Variants in ARID1B observed in about 807,000 individuals in gnomAD.
The protein encoded by ARID1B is AT-rich interaction domain 1B.
A neutral mutation model predicts 212.3 loss-of-function variants in ARID1B; 30 were observed. That is an observed-to-expected ratio of 0.14 (90% CI 0.11 to 0.19). ARID1B has a LOEUF of 0.19. Among genes scored for constraint, ARID1B ranks in the 10% least tolerant of loss-of-function variants. The probability of loss-of-function intolerance (pLI) is 1.00; values close to 1 mark genes in which losing one functional copy is unlikely to be tolerated. For missense variants in ARID1B, 2,891 were observed against 3,204.0 expected (o/e 0.90, Z 2.36); for synonymous variants, 1,402 against 1,301.7 (o/e 1.08, Z -1.66).
rs777085838 is a variant in ARID1B at position 157,203,947 on chromosome 6, A to G, written c.5345A>G (p.Asn1782Ser). 3.7e-6 allele frequency: 6 copies of G among 1,614,026 alleles called. No homozygotes were observed. Among genetic ancestry groups the G allele is most frequent in the African/African-American group, 1.3e-5 (1 of 74,912 alleles). The stretch of plus-strand genomic sequence containing the variant: ...AGTACGTGGGCTTTGGACACTATTA[A>G]TATTCTTCTGTATGATGACAGCACT... ...AESTWALDTI[N>S]ILLYDDSTVA... Residue 1782 changes from asparagine to serine, a missense_variant, in exon 19 of 20, where the codon AAT (asparagine) becomes AGT (serine). This residue lies in a region of ARID1B where 332 missense variants were observed against 369.2 expected (regional missense o/e 0.90). Transcript: ENST00000636930. This position sits in a 1 kb window ranked among gnomAD's most constrained non-coding sequence, Gnocchi z 4.4.
chr6:157,181,238 G>T (rs1792508773), intron 12 of ARID1B, 60 bp downstream of exon 12: 1 of 1,574,634 alleles, frequency 6.4e-7, no homozygotes, highest in African/African-American at 1.3e-5. Context: ...TCTTACAGTG[G>T]CTTTCTTTGA....
intron 1 of ARID1B, among the ~76,000 whole-genome samples, chr6:156,790,854 A>G (rs966650590): frequency 6.6e-6 from 1 of 152,226 alleles, no homozygotes; most frequent in Admixed American, 6.5e-5. Flanking sequence ...CGGAGACACA[A>G]GCACTTAGAA....
rs2128318011 is a variant in ARID1B at position 157,181,194 on chromosome 6, G to A, written c.3714+16G>A. Reference sequence around the variant, plus strand: ...TTTGGCCCAGGTAAGAATGAGTGAGGGAGGGGGTGAAAAAGGAAGCATTGT... The same window carrying A: ...TTTGGCCCAGGTAAGAATGAGTGAGAGAGGGGGTGAAAAAGGAAGCATTGT... On this transcript the variant is annotated intron_variant, in intron 12 of 19. Coordinates refer to ENST00000636930, the MANE Select transcript of ARID1B (RefSeq NM_001374828.1). 3 of 1,612,316 alleles carry A rather than the reference G, an allele frequency of 1.9e-6. No homozygotes were observed. The highest frequency in any genetic ancestry group is 1.7e-4 in the Middle Eastern group (1 of 6,032).
chr6:157,065,812 G>A (rs936773604), intron 4 of ARID1B, among the ~76,000 whole-genome samples: 12 of 152,340 alleles, frequency 7.9e-5, no homozygotes, highest in African/African-American at 2.9e-4. Context: ...AAATGACTAT[G>A]CTGTCATTGT....
chr6:156,851,149 T>C (rs1254239548), intron 2 of ARID1B, among the ~76,000 whole-genome samples: 4 of 152,090 alleles, frequency 2.6e-5, no homozygotes, highest in Non-Finnish European at 5.9e-5. Context: ...GAGACTTAAC[T>C]AGGGAAAGAC....
chr6:156,843,801 G>T (rs374143179), intron 2 of ARID1B, among the ~76,000 whole-genome samples: 1 of 152,194 alleles, frequency 6.6e-6, no homozygotes, highest in African/African-American at 2.4e-5. Context: ...GTTGTCATCA[G>T]ATGTTTACTG....
At chr6:156,828,057 G>A (rs1282910396) in intron 1 of ARID1B, among the ~76,000 whole-genome samples, 1 of 140,700 alleles carries the variant, frequency 7.1e-6, no homozygotes, top group Non-Finnish European at 1.5e-5. Flanking sequence ...CACCATGCCC[G>A]GCCTCTTTTT....
intron 6 of ARID1B, among the ~76,000 whole-genome samples, chr6:157,112,503 C>T (rs1786997726): frequency 6.6e-6 from 1 of 152,220 alleles, no homozygotes; most frequent in South Asian, 2.1e-4. Context: ...TGTAACATCA[C>T]TCTCACTGGT....
chr6:156,964,353 C>T (rs1023622622), intron 4 of ARID1B, among the ~76,000 whole-genome samples: 1 of 152,210 alleles, frequency 6.6e-6, no homozygotes, highest in African/African-American at 2.4e-5. Flanking sequence ...AGAGACCACT[C>T]TGTTTATCAG....
chr6:156,849,403 A>G lies in ARID1B; in HGVS notation c.1986+19982A>G, dbSNP rs531606490. 7.0e-4 allele frequency among the ~76,000 whole-genome samples: 107 copies of G among 152,350 alleles called. 1 individual carries two copies. Among genetic ancestry groups the G allele is most frequent in the African/African-American group, 2.4e-3 (101 of 41,586 alleles). ...GGTAAGGAATTTGGTAAAGTGAGGG[A>G]TAATGTTACAGAATTGTCATTACAA... On this transcript the variant is annotated intron_variant, in intron 2 of 19. Coordinates refer to ENST00000636930, the MANE Select transcript of ARID1B (RefSeq NM_001374828.1).
At chr6:157,039,418 C>T (rs1583195337) in intron 4 of ARID1B, among the ~76,000 whole-genome samples, 1 of 145,618 alleles carries the variant, frequency 6.9e-6, no homozygotes, top group Middle Eastern at 3.4e-3. Flanking sequence ...GCAAGCTCCG[C>T]TTCCCGGGTT....
intron 3 of ARID1B, among the ~76,000 whole-genome samples, chr6:156,910,965 G>T (rs528933425): frequency 6.6e-6 from 1 of 152,256 alleles, no homozygotes; most frequent in African/African-American, 2.4e-5. Context: ...AAAATGAAAA[G>T]AAAGAAGTAT....
intron 2 of ARID1B, among the ~76,000 whole-genome samples, chr6:156,846,496 G>A (rs1181776605): frequency 1.3e-5 from 2 of 152,092 alleles, no homozygotes; most frequent in African/African-American, 2.4e-5. Context: ...GTGGTCCTTC[G>A]CTTTCTGCAC....
At chr6:156,951,474 C>T (rs1163000959) in intron 4 of ARID1B, among the ~76,000 whole-genome samples, 3 of 151,672 alleles carry the variant, frequency 2.0e-5, no homozygotes, top group Non-Finnish European at 2.9e-5. Flanking sequence ...AATGGAGTCT[C>T]GCTCTGTCAT....
chr6:157,202,360 TAA>T (rs1794167587), intron 18 of ARID1B, among the ~76,000 whole-genome samples: 1 of 152,178 alleles, frequency 6.6e-6, no homozygotes, highest in South Asian at 2.1e-4. Flanking sequence ...CAAATTGACT[TAA>T]AATCTTTTTC....
rs191626205 is a variant in ARID1B, at chr6:156,955,207, G to C, written c.2247+19631G>C. Among the ~76,000 whole-genome samples, 1 of 152,334 alleles carries C rather than the reference G, an allele frequency of 6.6e-6. No homozygotes were observed. The highest frequency in any genetic ancestry group is 1.9e-4 in the East Asian group (1 of 5,192). ...CTGAATCTGGCATCTGTTGTATTTA[G>C]TGTAATTCCTACCTTTGTGTCCCCT... On this transcript the variant is annotated intron_variant, in intron 4 of 19. Coordinates refer to ENST00000636930, the MANE Select transcript of ARID1B (RefSeq NM_001374828.1). This position sits in a 1 kb window ranked among gnomAD's most constrained non-coding sequence, Gnocchi z 4.2.
intron 2 of ARID1B, among the ~76,000 whole-genome samples, chr6:156,876,002 T>C (rs955309439): frequency 3.9e-5 from 6 of 152,266 alleles, no homozygotes; most frequent in African/African-American, 1.4e-4. Flanking sequence ...TGTTGAATAT[T>C]CCAAATTATA....
At chr6:157,064,518 T>C (rs1783549695) in intron 4 of ARID1B, among the ~76,000 whole-genome samples, 1 of 112,296 alleles carries the variant, frequency 8.9e-6, no homozygotes, top group Non-Finnish European at 1.9e-5. Flanking sequence ...AGACTTGATT[T>C]GTTTAATTTT....
At chr6:157,144,035 G>T (rs776982801) in intron 7 of ARID1B, among the ~76,000 whole-genome samples, 3 of 152,236 alleles carry the variant, frequency 2.0e-5, no homozygotes, top group Non-Finnish European at 2.9e-5. Context: ...GATGCTTCCT[G>T]CCAGGAGACG....
Sources: allele counts gnomAD v4.1 joint callset (sites outside exome capture counted in the v4.1 genomes callset), GRCh38; gene constraint gnomAD v4.1.1; regional missense constraint gnomAD v4.1.1; non-coding constraint Gnocchi (gnomAD v3.1); transcripts MANE v1.5; gene names NCBI Gene and HGNC (gene_info 2026-07-23, HGNC 2026-07-21).